COL4A5: variants seen among roughly 807,000 people sequenced by gnomAD.
COL4A5 encodes collagen alpha-5(IV) chain.
Under a neutral mutation model 130.2 loss-of-function variants are expected in COL4A5, and 26 were observed. The ratio of observed to expected loss-of-function variants is 0.20; its 90% confidence interval spans 0.15 to 0.28. COL4A5 has a LOEUF of 0.28. Among genes scored for constraint, COL4A5 ranks in the 10% least tolerant of loss-of-function variants. COL4A5 has a pLI of 1.00. For missense variants in COL4A5, 1,131 were observed against 1,344.3 expected (o/e 0.84, Z 2.48); for synonymous variants, 496 against 439.6 (o/e 1.13, Z -1.60).
intron 8 of COL4A5, 98 bp from the exon 9 acceptor site, chrX:108,573,476 C>T (rs2066097193): frequency 3.3e-6 from 2 of 604,302 alleles, no homozygotes; most frequent in Non-Finnish European, 2.9e-6. Context: ...TTTAGTACAT[C>T]TCTGTTACAA....
At chrX:108,599,678 C>T (rs937674927) in intron 25 of COL4A5, among the ~76,000 whole-genome samples, 5 of 111,787 alleles carry the variant, frequency 4.5e-5, no homozygotes, top group African/African-American at 1.6e-4. Flanking sequence ...GTCCATGGAC[C>T]ACATCCAGCC....
intron 29 of COL4A5, among the ~76,000 whole-genome samples, chrX:108,613,085 A>C (rs1158349766): frequency 8.9e-6 from 1 of 112,189 alleles, no homozygotes; most frequent in African/African-American, 3.2e-5. Context: ...ACAAACCAAC[A>C]TAACAAACCT....
chrX:108,516,529 G>A (rs948430097), intron 1 of COL4A5, among the ~76,000 whole-genome samples: 7 of 111,746 alleles, frequency 6.3e-5, no homozygotes, highest in Non-Finnish European at 1.3e-4. Flanking sequence ...CACAGGATAC[G>A]TCTGTACATG....
At chrX:108,545,171 T>C (rs2147677393) in intron 2 of COL4A5, among the ~76,000 whole-genome samples, 1 of 111,982 alleles carries the variant, frequency 8.9e-6, no homozygotes, top group Admixed American at 9.5e-5. Flanking sequence ...TGTTTGCTCT[T>C]GCTTCTCTAG....
At chrX:108,603,257 CAAAAAA>C (rs762022225) in intron 28 of COL4A5, among the ~76,000 whole-genome samples, 196 bp downstream of exon 28, 1 of 43,290 alleles carries the variant, frequency 2.3e-5, no homozygotes, top group Non-Finnish European at 5.6e-5. Flanking sequence ...ACATTTGGAG[CAAAAAA>C]AAAAAAAAAA....
intron 1 of COL4A5, among the ~76,000 whole-genome samples, chrX:108,532,236 A>G (rs966327864): frequency 3.6e-5 from 4 of 111,682 alleles, no homozygotes; most frequent in Non-Finnish European, 7.6e-5. Context: ...AATATAATAC[A>G]CATGGGTCCA....
chrX:108,558,215 G>A (rs2065854002), intron 2 of COL4A5, among the ~76,000 whole-genome samples: 1 of 109,148 alleles, frequency 9.2e-6, no homozygotes, highest in Non-Finnish European at 1.9e-5. Context: ...CTGAGCCTTC[G>A]GGGTTCTTAA....
chrX:108,568,375 C>T (rs1005932009), intron 4 of COL4A5, among the ~76,000 whole-genome samples: 1 of 111,644 alleles, frequency 9.0e-6, no homozygotes, highest in African/African-American at 3.3e-5. Context: ...ACGAATTTGC[C>T]TGCTCCTAAT....
chrX:108,666,232 C>A (rs1463562672), intron 38 of COL4A5, among the ~76,000 whole-genome samples: 1 of 111,154 alleles, frequency 9.0e-6, no homozygotes, highest in Non-Finnish European at 1.9e-5. Flanking sequence ...CCATATGAGG[C>A]CTATAATTCT....
intron 27 of COL4A5, 110 bp downstream of exon 27, chrX:108,602,099 G>T (rs1458874695): frequency 2.2e-6 from 1 of 462,426 alleles, no homozygotes; most frequent in Non-Finnish European, 3.9e-6. Flanking sequence ...TTTTTTCTCT[G>T]TGCTATAAAG....
intron 13 of COL4A5, among the ~76,000 whole-genome samples, chrX:108,579,626 G>A: frequency 9.0e-6 from 1 of 111,548 alleles, no homozygotes; most frequent in Non-Finnish European, 1.9e-5. Context: ...AGTAGATGAG[G>A]GAAATTAGAT....
chrX:108,537,454 C>A (rs988316289), intron 1 of COL4A5, among the ~76,000 whole-genome samples: 1 of 110,970 alleles, frequency 9.0e-6, no homozygotes, highest in Non-Finnish European at 1.9e-5. Context: ...AAATGACATG[C>A]GAGAGTATTT....
intron 1 of COL4A5, among the ~76,000 whole-genome samples, chrX:108,514,630 G>A (rs981522884): frequency 1.8e-5 from 2 of 112,193 alleles, no homozygotes; most frequent in Non-Finnish European, 1.9e-5. Context: ...GTGGTAGGTC[G>A]TCATGTGTCT....
intron 4 of COL4A5, among the ~76,000 whole-genome samples, chrX:108,566,669 C>T (rs776646457): frequency 4.4e-4 from 49 of 110,777 alleles, no homozygotes; most frequent in African/African-American, 1.2e-3. Context: ...CTGCCTCAGC[C>T]TCCCGAGTAG....
chrX:108,561,411 G>T (rs750318940), intron 3 of COL4A5, among the ~76,000 whole-genome samples: 22 of 111,023 alleles, frequency 2.0e-4, no homozygotes, highest in African/African-American at 6.2e-4. Context: ...ACTGCCATGT[G>T]GGCAGTCTGT....
intron 1 of COL4A5, among the ~76,000 whole-genome samples, chrX:108,496,522 G>A (rs766739717): frequency 9.0e-6 from 1 of 111,551 alleles, no homozygotes; most frequent in South Asian, 3.7e-4. Context: ...TGAGAAGAAT[G>A]TGCATTCTGG....
At chrX:108,597,246 A>G in intron 23 of COL4A5, 131 bp from the exon 24 acceptor site, 1 of 777,620 alleles carries the variant, frequency 1.3e-6, no homozygotes, top group Non-Finnish European at 1.9e-6. Flanking sequence ...AGCCCTTTGT[A>G]CATTAAATGT....
intron 1 of COL4A5, among the ~76,000 whole-genome samples, chrX:108,533,682 TG>T (rs1168585752): frequency 4.5e-5 from 5 of 110,299 alleles, no homozygotes; most frequent in Non-Finnish European, 9.5e-5. Context: ...AATAGCCAAA[TG>T]GGGCTATATT....
rs1039419681 is a variant in COL4A5 at position 108,557,505 on chromosome X, C to T, written c.142-1559C>T. Among the ~76,000 whole-genome samples, 17 of 111,587 alleles carry T rather than the reference C, an allele frequency of 1.5e-4. No individual in the cohort carries two copies. In the Admixed American group the frequency reaches 1.5e-3, roughly 10 times the overall value. On this transcript the variant is annotated intron_variant, in intron 2 of 52. Coordinates refer to ENST00000328300, the MANE Select transcript of COL4A5 (RefSeq NM_033380.3). ...TCTATCATTAATTGACTAAAATTAG[C>T]TTCATTAACTTTGAAATGAAAAGTG...
Sources: gnomAD v4.1 joint callset for allele counts (sites outside exome capture counted in the v4.1 genomes callset) on GRCh38, gnomAD v4.1.1 for gene constraint, MANE v1.5 for transcripts, NCBI Gene and HGNC (gene_info 2026-07-23, HGNC 2026-07-21) for gene names.